HDAC3: variants seen among roughly 807,000 people sequenced by gnomAD.
HDAC3 encodes the protein SMAP45.
In HDAC3, 21 loss-of-function variants were observed where a neutral mutation model predicts 62.3. The observed-to-expected ratio is 0.34, with a 90% CI of 0.24 to 0.49. The LOEUF (loss-of-function observed/expected upper bound fraction) is 0.49, where lower values mean the gene tolerates loss of function less well. Among genes scored for constraint, HDAC3 ranks in the 20% least tolerant of loss-of-function variants. HDAC3 has a pLI of 0.99. For synonymous variants in HDAC3, 198 were observed against 206.5 expected (o/e 0.96, Z 0.35); for missense variants, 270 against 556.9 (o/e 0.48, Z 5.19).
chr5:141,622,053 AAGG>A (rs1162712004), intron 14 of HDAC3, among the ~76,000 whole-genome samples: 1 of 152,162 alleles, frequency 6.6e-6, no homozygotes, highest in African/African-American at 2.4e-5. Flanking sequence ...CAGTAAGAAC[AAGG>A]AGGCCAGGAC....
intron 2 of HDAC3, chr5:141,635,194 T>C (rs1308811510): frequency 2.3e-6 from 1 of 433,796 alleles, no homozygotes; most frequent in Non-Finnish European, 4.1e-6. Flanking sequence ...CCTTCTCAAC[T>C]TTGAGCCCTG....
Position 141,629,701 on chromosome 5 carries a change from G to A in HDAC3, c.459C>T (p.Gly153=), listed in dbSNP as rs2099904924. The stretch of plus-strand genomic sequence containing the variant: ...CTACTTACTTGAGCAGCTCCAGGAT[G>A]CCAATCACAATGTCGTTGACATAGC... ...GFCYVNDIVI[G]ILELLKYHPR... is the part of the protein sequence containing the mutation. The change falls in exon 6 of 15, where the codon GGC becomes GGT. Residue 153 remains glycine, a synonymous_variant. Transcript: ENST00000305264. The surrounding 1 kb of genome is among the most constrained non-coding windows in gnomAD (Gnocchi z 5.3). 1.2e-6 allele frequency: 2 copies of A among 1,614,076 alleles called. No individual in the cohort carries two copies. The highest frequency in any genetic ancestry group is 1.7e-6 in the Non-Finnish European group (2 of 1,180,008).
rs1447915862 is a variant in HDAC3 at position 141,629,734 on chromosome 5, A to G, written c.426T>C (p.Ser142=). The G allele has an allele frequency of 6.2e-7, 1 of 1,614,170 alleles. No individual in the cohort carries two copies. Among genetic ancestry groups the G allele is most frequent in the Admixed American group, 1.7e-5 (1 of 60,030 alleles). ...CAATGTCGTTGACATAGCAGAAGCC[A>G]GAGGCCTATGGCAAGACAGTGGTCT... ...GLHHAKKFEA[S]GFCYVNDIVI... The change falls in exon 6 of 15, where the codon TCT becomes TCC. Residue 142 remains serine, a synonymous_variant. Transcript: ENST00000305264. The surrounding 1 kb of genome is among the most constrained non-coding windows in gnomAD (Gnocchi z 5.3).
At chr5:141,633,502 A>G (rs764045330) in intron 3 of HDAC3, among the ~76,000 whole-genome samples, 1 of 152,128 alleles carries the variant, frequency 6.6e-6, no homozygotes, top group Non-Finnish European at 1.5e-5. Flanking sequence ...AAAACAATCT[A>G]ACATGAGGGA....
In HDAC3 at chr5:141,629,614, G is replaced by A. The variant is rs1175088822; in HGVS notation, c.476+70C>T. 6.8e-7 allele frequency: 1 copy of A among 1,476,672 alleles called. No homozygotes were observed. Among genetic ancestry groups the A allele is most frequent in the Non-Finnish European group, 9.4e-7 (1 of 1,062,536 alleles). 91.5% of individuals were successfully genotyped at this position (1,476,672 alleles called of 1,614,324 possible). On this transcript the variant is annotated intron_variant, in intron 6 of 14. Coordinates refer to ENST00000305264, the MANE Select transcript of HDAC3 (RefSeq NM_003883.4). The surrounding 1 kb of genome is among the most constrained non-coding windows in gnomAD (Gnocchi z 5.3). Reference sequence around the variant, plus strand: ...TCAGGGAGGAGGGAGGTCAAGGTCAGGGTTGAGACTGAGAGACCTCCTCAG... The same window carrying A: ...TCAGGGAGGAGGGAGGTCAAGGTCAAGGTTGAGACTGAGAGACCTCCTCAG...
Position 141,629,426 on chromosome 5 carries a change from G to A in HDAC3, c.477-120C>T, listed in dbSNP as rs2099904890. 7.1e-7 allele frequency: 1 copy of A among 1,415,410 alleles called. No individual in the cohort carries two copies. The highest frequency in any genetic ancestry group is 9.8e-7 in the Non-Finnish European group (1 of 1,024,186). 87.7% of individuals were successfully genotyped at this position (1,415,410 alleles called of 1,614,324 possible). The stretch of plus-strand genomic sequence containing the variant: ...CTGCCCTGGTCACCTGAAACTTAAT[G>A]TCACCAGTTCCCTAAAGGCAACTGG... On this transcript the variant is annotated intron_variant, in intron 6 of 14. Transcript: ENST00000305264. This position sits in a 1 kb window ranked among gnomAD's most constrained non-coding sequence, Gnocchi z 5.3.
rs1417020004 is a variant in HDAC3 at position 141,636,844 on chromosome 5, G to A, written c.-54C>T. The A allele has an allele frequency of 1.5e-6, 2 of 1,374,386 alleles. No homozygotes were observed. Among genetic ancestry groups the A allele is most frequent in the Non-Finnish European group, 1.9e-6 (2 of 1,057,672 alleles). 85.1% of individuals were successfully genotyped at this position (1,374,386 alleles called of 1,614,324 possible). A position where few individuals can be genotyped will look rare whatever the true frequency, so the allele number is the denominator to read the frequency against. On this transcript the variant is annotated 5_prime_UTR_variant, in exon 1 of 15. Transcript: ENST00000305264. ...CCGCCGCCCGCCGCCCGCGGCCGCC[G>A]CCAGCCCCTCCCCGGCCGTGCGTGC...
Position 141,626,237 on chromosome 5 carries a change from G to A in HDAC3, c.877C>T (p.Leu293=), listed in dbSNP as rs1306069436. ...VKSFNIPLLV[L]GGGGYTVRNV... ...CGGACAGTATAACCACCACCACCCA[G>A]CACGAGTAGAGGGATATTGAAGCTC... The change falls in exon 11 of 15, where the codon CTG becomes TTG. Residue 293 remains leucine (L), a synonymous_variant. Transcript: ENST00000305264. The surrounding 1 kb of genome is among the most constrained non-coding windows in gnomAD (Gnocchi z 4.6). 3.1e-6 allele frequency: 5 copies of A among 1,614,008 alleles called. No individual in the cohort carries two copies. The highest frequency in any genetic ancestry group is 4.5e-5 in the East Asian group (2 of 44,886).
chr5:141,628,632 C>A lies in HDAC3; in HGVS notation c.618G>T (p.Met206Ile). ...GNYFFPGTGD[M>I]YEVGAESGRY... ...GGCCACTCTCTGCCCCGACTTCATA[C>A]ATGTCACCTGTAGGGAAGTGGGTGG... is the stretch of plus-strand genomic sequence containing the variant. The change falls in exon 8 of 15, where the codon ATG (methionine) becomes ATT (isoleucine). Residue 206 changes from methionine (M) to isoleucine (I), a missense_variant. By Grantham distance (10) the Met-to-Ile change is conservative. This residue lies in a region of HDAC3 where 156 missense variants were observed against 383.9 expected (regional missense o/e 0.41). Coordinates refer to ENST00000305264, the MANE Select transcript of HDAC3 (RefSeq NM_003883.4). This position sits in a 1 kb window ranked among gnomAD's most constrained non-coding sequence, Gnocchi z 4.7. 6.2e-7 allele frequency: 1 copy of A among 1,613,870 alleles called. No homozygotes were observed. Among genetic ancestry groups the A allele is most frequent in the Non-Finnish European group, 8.5e-7 (1 of 1,179,856 alleles).
Position 141,629,527 on chromosome 5 carries a change from G to T in HDAC3, c.476+157C>A. 1.1e-6 allele frequency: 1 copy of T among 896,174 alleles called. No homozygotes were observed. Among genetic ancestry groups the T allele is most frequent in the Non-Finnish European group, 1.8e-6 (1 of 568,654 alleles). The allele number at this position is 896,174 out of a possible 1,614,324, so 55.5% of individuals were successfully genotyped here. On this transcript the variant is annotated intron_variant, in intron 6 of 14. Transcript: ENST00000305264. This position sits in a 1 kb window ranked among gnomAD's most constrained non-coding sequence, Gnocchi z 5.3. Reference sequence around the variant, plus strand: ...AAGGCTGAAATGTGAGCAGGCAGTAGGGAATCTGCAGCAGTGGAAGAGGCA... The same window carrying T: ...AAGGCTGAAATGTGAGCAGGCAGTATGGAATCTGCAGCAGTGGAAGAGGCA...
rs139892934 is a variant in HDAC3, at chr5:141,636,700, T to G, written c.55+36A>C. The G allele has an allele frequency of 6.7e-4, 1,089 of 1,613,416 alleles. 17 individuals carry two copies. The East Asian group carries it at 0.024, about 35-fold the overall frequency. ...TTGCAACCCCGCCTCAAAACCTCCGTGTCCCAACCCCTCATGCATATCCCT... is the reference window on the plus strand; with the variant it reads ...TTGCAACCCCGCCTCAAAACCTCCGGGTCCCAACCCCTCATGCATATCCCT... On this transcript the variant is annotated intron_variant, in intron 1 of 14. Coordinates refer to ENST00000305264, the MANE Select transcript of HDAC3 (RefSeq NM_003883.4).
intron 14 of HDAC3, among the ~76,000 whole-genome samples, chr5:141,624,556 C>CAA (rs768572344): frequency 1.0e-4 from 7 of 67,004 alleles, no homozygotes; most frequent in East Asian, 5.0e-4. Flanking sequence ...GACCCTGTCT[C>CAA]AAAAAAAAAA....
Position 141,629,029 on chromosome 5 carries a change from A to C in HDAC3, c.610+144T>G. 1.4e-6 allele frequency: 1 copy of C among 729,928 alleles called. No homozygotes were observed. The highest frequency in any genetic ancestry group is 2.3e-6 in the Non-Finnish European group (1 of 437,788). 45.2% of individuals were successfully genotyped at this position (729,928 alleles called of 1,614,324 possible). On this transcript the variant is annotated intron_variant, in intron 7 of 14. Coordinates refer to ENST00000305264, the MANE Select transcript of HDAC3 (RefSeq NM_003883.4). The surrounding 1 kb of genome is among the most constrained non-coding windows in gnomAD (Gnocchi z 5.3). ...GGCTGATGTAACAGAGGAATGGGGA[A>C]GGAGGTGATTATGATAACTGGAGTG...
Position 141,625,930 on chromosome 5 carries a change from C to T in HDAC3, c.979+83G>A. On this transcript the variant is annotated intron_variant, in intron 12 of 14. Transcript: ENST00000305264. The surrounding 1 kb of genome is among the most constrained non-coding windows in gnomAD (Gnocchi z 4.0). ...GCAGAGCTCTGAGAGTGTAAAATTT[C>T]CCATGTGCCTTCAAACCAGGTCATT... 7.2e-7 allele frequency: 1 copy of T among 1,395,884 alleles called. No individual in the cohort carries two copies. Among genetic ancestry groups the T allele is most frequent in the Non-Finnish European group, 1.0e-6 (1 of 981,288 alleles). 86.5% of individuals were successfully genotyped at this position (1,395,884 alleles called of 1,614,324 possible).
rs1562362779 is a variant in HDAC3, at chr5:141,621,551, G to A, written c.1218-14C>T. ...GGTGCCTCTGGCCTGCAAAGCAAGG[G>A]GAGAGAGGTCAGGATCTCACTCTAA... is the stretch of plus-strand genomic sequence containing the variant. On this transcript the variant is annotated splice_polypyrimidine_tract_variant and intron_variant, in intron 14 of 14. Transcript: ENST00000305264. The A allele has an allele frequency of 2.5e-6, 4 of 1,608,506 alleles. No homozygotes were observed. The highest frequency in any genetic ancestry group is 1.3e-5 in the African/African-American group (1 of 74,770).
rs1562362603 is a variant in HDAC3, at chr5:141,621,374, G to T, written c.*94C>A. The T allele has an allele frequency of 2.6e-6, 3 of 1,152,760 alleles. No individual in the cohort carries two copies. In the African/African-American group the frequency reaches 4.6e-5, roughly 18 times the overall value. 71.4% of individuals were successfully genotyped at this position (1,152,760 alleles called of 1,614,324 possible). On this transcript the variant is annotated 3_prime_UTR_variant, in exon 15 of 15. Coordinates refer to ENST00000305264, the MANE Select transcript of HDAC3 (RefSeq NM_003883.4). ...TCCCAGAGTCAGCAAAAGCCCTGGG[G>T]TGACCCCCAGGACTCTAGGAGCCAC... is the stretch of plus-strand genomic sequence containing the variant.
At position 141,623,569 on chromosome 5, in the gene HDAC3, A is replaced by G. The variant is rs146878263; in HGVS notation, c.1217+1639T>C. On this transcript the variant is annotated intron_variant, in intron 14 of 14. Transcript: ENST00000305264. ...ACCAGACAATGAAAAGCAATTTCCAATAGTCCTGGAAGCCCTGAAGCCAGA... is the reference window on the plus strand; with the variant it reads ...ACCAGACAATGAAAAGCAATTTCCAGTAGTCCTGGAAGCCCTGAAGCCAGA... Among the ~76,000 whole-genome samples, 17 of 152,368 alleles carry G rather than the reference A, an allele frequency of 1.1e-4. No individual in the cohort carries two copies. The East Asian group carries it at 3.3e-3, about 29-fold the overall frequency.
chr5:141,625,505 T>C lies in HDAC3; in HGVS notation c.1060-140A>G, dbSNP rs2099904313. On this transcript the variant is annotated intron_variant, in intron 13 of 14. Transcript: ENST00000305264. The surrounding 1 kb of genome is among the most constrained non-coding windows in gnomAD (Gnocchi z 4.0). ...GTTCAGGTCCCCCAACTGATAGCTC[T>C]CCCTCCCCACCAACCCCAACTGCCT... is the stretch of plus-strand genomic sequence containing the variant. The C allele has an allele frequency of 5.4e-6, 6 of 1,120,990 alleles. No homozygotes were observed. The highest frequency in any genetic ancestry group is 8.0e-6 in the Non-Finnish European group (6 of 754,158). 69.4% of individuals were successfully genotyped at this position (1,120,990 alleles called of 1,614,324 possible).
At position 141,626,545 on chromosome 5, in the gene HDAC3, C is replaced by T. The variant is rs2099904444; in HGVS notation, c.831-262G>A. On this transcript the variant is annotated intron_variant, in intron 10 of 14. Transcript: ENST00000305264. The surrounding 1 kb of genome is among the most constrained non-coding windows in gnomAD (Gnocchi z 4.6). ...GCACCCTGCCTGCTAATCAACTATT[C>T]TCATCAACCCAAGTTCTGTCAATTC... The T allele has an allele frequency of 4.4e-6, 2 of 453,480 alleles. No homozygotes were observed. The highest frequency in any genetic ancestry group is 2.0e-5 in the African/African-American group (1 of 50,308). The allele number at this position is 453,480 out of a possible 1,614,324, so 28.1% of individuals were successfully genotyped here.
Sources: gnomAD v4.1 joint callset for allele counts (sites outside exome capture counted in the v4.1 genomes callset) on GRCh38, gnomAD v4.1.1 for gene constraint, gnomAD v4.1.1 regional missense constraint, Gnocchi (gnomAD v3.1) non-coding constraint, MANE v1.5 for transcripts, NCBI Gene and HGNC (gene_info 2026-07-23, HGNC 2026-07-21) for gene names.